Variants in TBL1X observed in about 807,000 individuals in gnomAD.
The protein encoded by TBL1X is F-box-like/WD repeat-containing protein TBL1X.
In TBL1X, 10 loss-of-function variants were observed where a neutral mutation model predicts 50.7. The observed-to-expected ratio is 0.20, with a 90% CI of 0.12 to 0.33. The LOEUF (loss-of-function observed/expected upper bound fraction) is 0.33, where lower values mean the gene tolerates loss of function less well. Ranked by LOEUF, TBL1X falls within the 10% of genes least tolerant of loss-of-function variation. TBL1X has a pLI of 1.00. For missense variants in TBL1X, 340 were observed against 504.4 expected, an observed-to-expected ratio of 0.67 and a Z score of 3.12; for synonymous variants, 190 against 214.7, an observed-to-expected ratio of 0.88 and a Z score of 1.01.
At chrX:9,636,227 G>T (rs1322344721) in intron 2 of TBL1X, 3 of 110,285 alleles carry the variant, frequency 2.7e-5, no homozygotes, top group Non-Finnish European at 5.7e-5. Context: ...TGACATAGGT[G>T]GTGGTTGCAT....
chrX:9,561,874 A>G (rs986740478), intron 2 of TBL1X, among the ~76,000 whole-genome samples: 4 of 112,257 alleles, frequency 3.6e-5, no homozygotes, highest in Non-Finnish European at 7.5e-5. Flanking sequence ...AATTGAAGAC[A>G]GTACTGTTGA....
At chrX:9,502,186 C>T (rs1476387438) in intron 2 of TBL1X, among the ~76,000 whole-genome samples, 2 of 112,832 alleles carry the variant, frequency 1.8e-5, no homozygotes, top group African/African-American at 3.2e-5. Flanking sequence ...CACTTGGATA[C>T]GTGGAGTAAA....
At chrX:9,547,303 A>G in intron 2 of TBL1X, among the ~76,000 whole-genome samples, 1 of 109,162 alleles carries the variant, frequency 9.2e-6, no homozygotes, top group Middle Eastern at 4.8e-3. Flanking sequence ...CCTTTAATCT[A>G]TGTCGTTTCA....
chrX:9,534,082 C>T (rs2082175966), intron 2 of TBL1X, among the ~76,000 whole-genome samples: 1 of 111,335 alleles, frequency 9.0e-6, no homozygotes, highest in Admixed American at 9.5e-5. Context: ...CAGGTCGGGT[C>T]GGTGTTGTAT....
chrX:9,707,287 G>A (rs894074880), intron 13 of TBL1X, among the ~76,000 whole-genome samples: 1 of 111,564 alleles, frequency 9.0e-6, no homozygotes, highest in African/African-American at 3.3e-5. Flanking sequence ...TAGAGCACAG[G>A]CACCTATCGT....
chrX:9,624,538 A>G (rs2082682780), intron 2 of TBL1X, among the ~76,000 whole-genome samples: 1 of 112,118 alleles, frequency 8.9e-6, no homozygotes, highest in Non-Finnish European at 1.9e-5. Context: ...ATAAATTTGA[A>G]CAGGATCAAT....
At chrX:9,488,036 T>C (rs931893314) in intron 1 of TBL1X, among the ~76,000 whole-genome samples, 3 of 111,409 alleles carry the variant, frequency 2.7e-5, no homozygotes, top group Non-Finnish European at 3.8e-5. Context: ...TTTTCCCGGG[T>C]TGGGTTGGAG....
chrX:9,492,894 T>TGTGTGTGTGTGTGTGTGTGG (rs796965171), intron 1 of TBL1X, among the ~76,000 whole-genome samples: 2 of 24,171 alleles, frequency 8.3e-5, no homozygotes, highest in African/African-American at 1.0e-4. Flanking sequence ...TGTGTGTGTG[T>TGTGTGTGTGTGTGTGTGTGG]GTGTAGGGGA....
At position 9,630,918 on chromosome X, in the gene TBL1X, A is replaced by G. The variant is rs550876628; in HGVS notation, c.-130-9355A>G. Among the ~76,000 whole-genome samples the G allele has an allele frequency of 3.6e-4, 40 of 112,313 alleles. No homozygotes were observed. In the South Asian group the frequency reaches 0.013, roughly 36 times the overall value. On this transcript the variant is annotated intron_variant, in intron 2 of 17. Transcript: ENST00000645353. ...CCGTAGATGCAGAACTTGTGGATAC[A>G]GAGGGCTGGCTGTTCATATTTTCAA...
chrX:9,571,810 C>T, intron 2 of TBL1X, among the ~76,000 whole-genome samples: 1 of 112,085 alleles, frequency 8.9e-6, no homozygotes, highest in Non-Finnish European at 1.9e-5. Flanking sequence ...ACTCTGGATA[C>T]CTCCCGTAAG....
chrX:9,543,085 A>G (rs1186281558), intron 2 of TBL1X, among the ~76,000 whole-genome samples: 1 of 112,505 alleles, frequency 8.9e-6, no homozygotes, highest in East Asian at 2.8e-4. Context: ...TGGACCAACA[A>G]GGACAGAACA....
chrX:9,600,816 C>G (rs2082552946), intron 2 of TBL1X, among the ~76,000 whole-genome samples: 2 of 112,121 alleles, frequency 1.8e-5, no homozygotes, highest in African/African-American at 6.5e-5. Context: ...AGTCAGTGTA[C>G]AAACCCTGTG....
intron 2 of TBL1X, among the ~76,000 whole-genome samples, chrX:9,575,195 A>G (rs937161035): frequency 3.6e-5 from 4 of 110,920 alleles, no homozygotes; most frequent in African/African-American, 1.3e-4. Flanking sequence ...AAACCATTAG[A>G]TCTCGTGAGA....
intron 1 of TBL1X, among the ~76,000 whole-genome samples, chrX:9,493,779 A>G (rs1452132403): frequency 9.0e-6 from 1 of 110,979 alleles, no homozygotes; most frequent in Non-Finnish European, 1.9e-5. Context: ...CAAAAACAAA[A>G]CAAAACAAAA....
At chrX:9,564,697 C>T (rs1685745721) in intron 2 of TBL1X, among the ~76,000 whole-genome samples, 1 of 107,508 alleles carries the variant, frequency 9.3e-6, no homozygotes, top group African/African-American at 3.4e-5. Context: ...CGCGCCACTG[C>T]ACTCCAGCCT....
chrX:9,692,298 C>T (rs2083103090), intron 9 of TBL1X, 44 bp downstream of exon 9: 2 of 1,143,304 alleles, frequency 1.7e-6, no homozygotes, highest in Non-Finnish European at 2.3e-6. Flanking sequence ...TTGGTAAAAT[C>T]GGCCAGCCAC....
chrX:9,627,650 G>A (rs781188081), intron 2 of TBL1X, among the ~76,000 whole-genome samples: 8 of 112,430 alleles, frequency 7.1e-5, no homozygotes, highest in African/African-American at 9.7e-5. Context: ...CCCAATAATT[G>A]TGTTTCAGTT....
At chrX:9,613,369 C>T (rs769146825) in intron 2 of TBL1X, among the ~76,000 whole-genome samples, 176 of 108,361 alleles carry the variant, frequency 1.6e-3, no homozygotes, top group Non-Finnish European at 2.8e-3. Context: ...AGAAACAGAC[C>T]CCTTACCATT....
intron 3 of TBL1X, among the ~76,000 whole-genome samples, chrX:9,644,359 G>T (rs11796236): frequency 9.0e-6 from 1 of 111,145 alleles, no homozygotes; most frequent in Non-Finnish European, 1.9e-5. Flanking sequence ...TGAAATCTTG[G>T]GCACGTGCAT....
Sources: gnomAD v4.1 joint callset for allele counts (sites outside exome capture counted in the v4.1 genomes callset) on GRCh38, gnomAD v4.1.1 for gene constraint, MANE v1.5 for transcripts, NCBI Gene and HGNC (gene_info 2026-07-23, HGNC 2026-07-21) for gene names.